The following ZNF586 variants were observed in gnomAD, a reference collection of about 807,000 sequenced individuals.
The protein encoded by ZNF586 is zinc finger protein 586.
ZNF586 carries 7 observed loss-of-function variants against 6.7 expected under a neutral mutation model. The observed-to-expected ratio is 1.04, with a 90% CI of 0.59 to 1.95. The LOEUF is 1.95. Among genes scored for constraint, ZNF586 ranks in the 30% most tolerant of loss-of-function variants. The pLI is 0.00. For synonymous variants in ZNF586, 166 were observed against 168.7 expected (o/e 0.98, Z 0.12); for missense variants, 442 against 489.6 (o/e 0.90, Z 0.92).
In ZNF586 at chr19:57,779,288, A is replaced by T. The variant is rs781330596; in HGVS notation, c.701A>T (p.Tyr234Phe). Reference sequence around the variant, plus strand: ...AGGATTCACACTGGAGAGAGGCCTTATGAGTGCAGTGAATGTGGGAGATCC... The same window carrying T: ...AGGATTCACACTGGAGAGAGGCCTTTTGAGTGCAGTGAATGTGGGAGATCC... ...HRRIHTGERP[Y>F]ECSECGRSFA... The change falls in exon 3 of 3, where the codon TAT becomes TTT. Residue 234 changes from tyrosine (Y) to phenylalanine (F), a missense_variant. Transcript: ENST00000396154. The T allele has an allele frequency of 6.2e-7, 1 of 1,614,096 alleles. No individual in the cohort carries two copies. Among genetic ancestry groups the T allele is most frequent in the South Asian group, 1.1e-5 (1 of 91,092 alleles).
chr19:57,776,632 C>T lies in ZNF586; in HGVS notation c.126C>T (p.Asp42=), dbSNP rs1178704225. The change falls in exon 2 of 3, where the codon GAC becomes GAT. Residue 42 remains aspartate (D), a synonymous_variant. Transcript: ENST00000396154. ...AGGCTCAGAGATGCCTGTACCGTGA[C>T]GTGATGCTGGAGACCTTGACACTTA... The part of the protein sequence containing the change: ...LNEAQRCLYR[D]VMLETLTLIS... The T allele has an allele frequency of 6.2e-6, 10 of 1,611,114 alleles. No homozygotes were observed. The highest frequency in any genetic ancestry group is 2.7e-5 in the African/African-American group (2 of 74,730).
chr19:57,779,479 T>A lies in ZNF586; in HGVS notation c.892T>A (p.Ser298Thr), dbSNP rs1430870051. The A allele has an allele frequency of 6.2e-7, 1 of 1,614,090 alleles. No individual in the cohort carries two copies. The highest frequency in any genetic ancestry group is 1.7e-5 in the Admixed American group (1 of 59,998). The change falls in exon 3 of 3, where the codon TCC becomes ACC. Residue 298 changes from serine to threonine, a missense_variant. Transcript: ENST00000396154. ...TTATGAATGTAGTGAATGTGGGAAA[T>A]CCTTTAGCTTAAGGTCCAACCTCAT... is the stretch of plus-strand genomic sequence containing the variant. The part of the protein sequence containing the change: ...RPYECSECGK[S>T]FSLRSNLIHH...
intron 1 of ZNF586, among the ~76,000 whole-genome samples, chr19:57,775,112 T>G (rs1030093199): frequency 1.3e-4 from 20 of 151,780 alleles, no homozygotes; most frequent in African/African-American, 4.4e-4. Context: ...TTCTCCCGCC[T>G]CAGCCTCCTG....
intron 1 of ZNF586, among the ~76,000 whole-genome samples, chr19:57,773,402 C>CT (rs35585717): frequency 0.36 from 33,686 of 92,688 alleles, 5,734 homozygotes; most frequent in African/African-American, 0.53. Flanking sequence ...TCTTCTTCTT[C>CT]TTTTTTTTTT....
chr19:57,779,259 CAGG>C lies in ZNF586; in HGVS notation c.677_679del (p.Arg226del). On this transcript the variant is annotated inframe_deletion, in exon 3 of 3. Coordinates refer to ENST00000396154, the MANE Select transcript of ZNF586 (RefSeq NM_017652.4). Reference sequence around the variant, plus strand: ...CTTATACATCTAGTCTCATTAAACACAGGAGGATTCACACTGGAGAGAGGCCTT... The same window carrying C: ...CTTATACATCTAGTCTCATTAAACACAGGATTCACACTGGAGAGAGGCCTT... 1.2e-6 allele frequency: 2 copies of C among 1,614,116 alleles called. No individual in the cohort carries two copies. Among genetic ancestry groups the C allele is most frequent in the South Asian group, 2.2e-5 (2 of 91,086 alleles).
intron 1 of ZNF586, among the ~76,000 whole-genome samples, chr19:57,774,235 A>C (rs76204650): frequency 7.2e-6 from 1 of 138,710 alleles, no homozygotes; most frequent in Non-Finnish European, 1.5e-5. Flanking sequence ...AAAAAAAAAA[A>C]AAGTCAGCCG....
At position 57,780,479 on chromosome 19, in the gene ZNF586, G is replaced by A. The variant is rs10419004; in HGVS notation, c.*683G>A. The stretch of plus-strand genomic sequence containing the variant: ...TCAGGGATCTTTTGGATCTCACAGA[G>A]TTCTTAAGATGGAATTTTCCAGCCT... On this transcript the variant is annotated 3_prime_UTR_variant, in exon 3 of 3. Transcript: ENST00000396154. 0.5 allele frequency: 76,009 copies of A among 151,952 alleles called. 20,816 individuals carry two copies. Among genetic ancestry groups the A allele is most frequent in the African/African-American group, 0.72 (29,968 of 41,442 alleles). 9.4% of individuals were successfully genotyped at this position (151,952 alleles called of 1,614,324 possible).
At chr19:57,776,155 G>A (rs1987231352) in intron 1 of ZNF586, among the ~76,000 whole-genome samples, 2 of 152,138 alleles carry the variant, frequency 1.3e-5, no homozygotes, top group Admixed American at 1.3e-4. Context: ...GTTAGGTGGT[G>A]GTGGCAATTG....
chr19:57,773,064 A>G (rs56817573), intron 1 of ZNF586, among the ~76,000 whole-genome samples: 4,419 of 152,296 alleles, frequency 0.029, 216 homozygotes, highest in African/African-American at 0.099. Context: ...GACCAAATAT[A>G]TATTTCACAA....
At chr19:57,769,912 T>TACCCACCCA in intron 1 of ZNF586, 34 bp downstream of exon 1, 1 of 601,554 alleles carries the variant, frequency 1.7e-6, no homozygotes. Flanking sequence ...TTACCCACCC[T>TACCCACCCA]ACCCACCCAG....
rs1987348686 is a variant in ZNF586 at position 57,780,030 on chromosome 19, C to G, written c.*234C>G. ...CCACAATATTTACATGAGGAAAATA[C>G]CACAGATGTGGAGGTAATATTATTT... On this transcript the variant is annotated 3_prime_UTR_variant, in exon 3 of 3. Coordinates refer to ENST00000396154, the MANE Select transcript of ZNF586 (RefSeq NM_017652.4). 1.9e-6 allele frequency: 1 copy of G among 520,628 alleles called. No homozygotes were observed. Among genetic ancestry groups the G allele is most frequent in the Admixed American group, 3.7e-5 (1 of 27,054 alleles). The allele number at this position is 520,628 out of a possible 1,614,324, so 32.3% of individuals were successfully genotyped here. A position where few individuals can be genotyped will look rare whatever the true frequency, so the allele number is the denominator to read the frequency against.
At position 57,778,214 on chromosome 19, in the gene ZNF586, G is replaced by A. The variant is rs183074597; in HGVS notation, c.164-537G>A. Among the ~76,000 whole-genome samples the A allele has an allele frequency of 2.8e-3, 425 of 151,980 alleles. 1 individual carries two copies. Among genetic ancestry groups the A allele is most frequent in the Non-Finnish European group, 5.5e-3 (376 of 67,974 alleles). On this transcript the variant is annotated intron_variant, in intron 2 of 2. Coordinates refer to ENST00000396154, the MANE Select transcript of ZNF586 (RefSeq NM_017652.4). Reference sequence around the variant, plus strand: ...AGCCTCCCGAGTATCTGGTATTACAGGTGCATGCCACCACACCTGGCTAAC... The same window carrying A: ...AGCCTCCCGAGTATCTGGTATTACAAGTGCATGCCACCACACCTGGCTAAC...
At chr19:57,771,733 G>A (rs1987102713) in intron 1 of ZNF586, among the ~76,000 whole-genome samples, 1 of 152,314 alleles carries the variant, frequency 6.6e-6, no homozygotes, top group Non-Finnish European at 1.5e-5. Flanking sequence ...CAAACTGGAA[G>A]CTACTGCCCT....
chr19:57,779,562 C>T lies in ZNF586; in HGVS notation c.975C>T (p.Ser325=). 6.2e-7 allele frequency: 1 copy of T among 1,613,638 alleles called. No homozygotes were observed. The highest frequency in any genetic ancestry group is 8.5e-7 in the Non-Finnish European group (1 of 1,179,928). ...ERHECGQCGK[S]FSRKSSLIIH... ...ATGAGTGCGGGCAGTGTGGGAAATC[C>T]TTTAGCCGAAAATCTAGCCTTATTA... is the stretch of plus-strand genomic sequence containing the variant. The change falls in exon 3 of 3, where the codon TCC becomes TCT. Residue 325 remains serine (S), a synonymous_variant. Transcript: ENST00000396154.
intron 1 of ZNF586, among the ~76,000 whole-genome samples, chr19:57,772,698 A>G (rs1371818210): frequency 6.6e-6 from 1 of 152,160 alleles, no homozygotes; most frequent in East Asian, 1.9e-4. Flanking sequence ...CAGAGCTTTT[A>G]TGATCTTCAG....
chr19:57,770,987 C>T lies in ZNF586; in HGVS notation c.36+1109C>T, dbSNP rs150057192. Among the ~76,000 whole-genome samples, 274 of 152,198 alleles carry T rather than the reference C, an allele frequency of 1.8e-3. 2 individuals carry two copies. In the Middle Eastern group the frequency reaches 0.02, roughly 11 times the overall value. On this transcript the variant is annotated intron_variant, in intron 1 of 2. Coordinates refer to ENST00000396154, the MANE Select transcript of ZNF586 (RefSeq NM_017652.4). ...TCATCTCAGTCTCCCGAGTAACTGG[C>T]TTTTTGTATTTTTAGTAGAGGTGGG...
rs1373824761 is a variant in ZNF586, at chr19:57,779,894, T to A, written c.*98T>A. ...TGTTATGAGTGTGACAAATGGGGAA[T>A]ATTCTTTAGCTAGAATGCTAGCTTC... On this transcript the variant is annotated 3_prime_UTR_variant, in exon 3 of 3. Coordinates refer to ENST00000396154, the MANE Select transcript of ZNF586 (RefSeq NM_017652.4). 2 of 1,066,436 alleles carry A rather than the reference T, an allele frequency of 1.9e-6. No homozygotes were observed. Among genetic ancestry groups the A allele is most frequent in the Non-Finnish European group, 2.7e-6 (2 of 737,326 alleles). The allele number at this position is 1,066,436 out of a possible 1,614,324, so 66.1% of individuals were successfully genotyped here. A position where few individuals can be genotyped will look rare whatever the true frequency, so the allele number is the denominator to read the frequency against.
intron 1 of ZNF586, among the ~76,000 whole-genome samples, chr19:57,772,068 C>G (rs1261390529): frequency 1.3e-5 from 2 of 152,080 alleles, no homozygotes. Flanking sequence ...GTGATCCACC[C>G]GCCTTGGCCT....
chr19:57,769,855 G>C lies in ZNF586; in HGVS notation c.13G>C (p.Ala5Pro). 6.5e-7 allele frequency: 1 copy of C among 1,543,530 alleles called. No individual in the cohort carries two copies. Among genetic ancestry groups the C allele is most frequent in the South Asian group, 1.2e-5 (1 of 83,980 alleles). Reference protein sequence around the residue: MAAAAALRAPAQSSV... With the variant: MAAAPALRAPAQSSV... ...CCCGCCCAGAGTCATGGCGGCAGCA[G>C]CCGCTCTGAGGGCGCCTGCTCAGGT... is the stretch of plus-strand genomic sequence containing the variant. The change falls in exon 1 of 3, where the codon GCC becomes CCC. Residue 5 changes from alanine (A) to proline (P), a missense_variant. Ala to Pro is a conservative substitution (Grantham distance 27). Coordinates refer to ENST00000396154, the MANE Select transcript of ZNF586 (RefSeq NM_017652.4).
Sources: allele counts gnomAD v4.1 joint callset (sites outside exome capture counted in the v4.1 genomes callset), GRCh38; gene constraint gnomAD v4.1.1; transcripts MANE v1.5; gene names NCBI Gene and HGNC (gene_info 2026-07-23, HGNC 2026-07-21).